DCC: variants seen among roughly 807,000 people sequenced by gnomAD.
DCC encodes netrin receptor DCC.
Under a neutral mutation model 172.5 loss-of-function variants are expected in DCC, and 58 were observed. The observed-to-expected ratio is 0.34, with a 90% CI of 0.27 to 0.42. The LOEUF is 0.42. Ranked by LOEUF, DCC falls within the 10% of genes least tolerant of loss-of-function variation. The pLI is 1.00. For synonymous variants in DCC, 709 were observed against 644.5 expected (o/e 1.10, Z -1.52); for missense variants, 1,740 against 1,791.0 (o/e 0.97, Z 0.51).
At chr18:53,385,264 T>A (rs1016808716) in intron 15 of DCC, among the ~76,000 whole-genome samples, 55 of 152,124 alleles carry the variant, frequency 3.6e-4, no homozygotes, top group African/African-American at 1.3e-3. Flanking sequence ...ACCCCTGAAT[T>A]ATAAGTGGTT....
intron 1 of DCC, among the ~76,000 whole-genome samples, chr18:52,685,397 T>G (rs961164766): frequency 6.6e-6 from 1 of 152,152 alleles, no homozygotes; most frequent in African/African-American, 2.4e-5. Flanking sequence ...ACAGTCATAT[T>G]GAGCCCTGCT....
At chr18:52,404,728 T>C (rs1021268232) in intron 1 of DCC, among the ~76,000 whole-genome samples, 3 of 151,676 alleles carry the variant, frequency 2.0e-5, no homozygotes, top group Non-Finnish European at 4.4e-5. Flanking sequence ...TAGTTACATA[T>C]GTATACATGT....
chr18:52,445,747 C>T (rs1382288835), intron 1 of DCC, among the ~76,000 whole-genome samples: 1 of 152,146 alleles, frequency 6.6e-6, no homozygotes, highest in Non-Finnish European at 1.5e-5. Context: ...CAGAGTAGCC[C>T]TCAAATATTT....
intron 2 of DCC, among the ~76,000 whole-genome samples, chr18:52,778,696 T>C (rs1279259370): frequency 6.6e-6 from 1 of 152,214 alleles, no homozygotes; most frequent in African/African-American, 2.4e-5. Context: ...TTTCTCGTCA[T>C]TAAAGTCTTT....
At chr18:52,525,616 A>G (rs557116205) in intron 1 of DCC, among the ~76,000 whole-genome samples, 2 of 152,304 alleles carry the variant, frequency 1.3e-5, no homozygotes, top group African/African-American at 4.8e-5. Flanking sequence ...ATGTCTGTAG[A>G]CTCTGGTCAA....
At chr18:52,795,710 C>CATG (rs1792649092) in intron 2 of DCC, among the ~76,000 whole-genome samples, 1 of 151,638 alleles carries the variant, frequency 6.6e-6, no homozygotes, top group Non-Finnish European at 1.5e-5. Flanking sequence ...GAAATCTGTC[C>CATG]ACTTTTATGA....
In DCC at chr18:52,340,664, A is replaced by G; in HGVS notation, c.-124A>G. 2 of 773,936 alleles carry G rather than the reference A, an allele frequency of 2.6e-6. No individual in the cohort carries two copies. Among genetic ancestry groups the G allele is most frequent in the Non-Finnish European group, 4.7e-6 (2 of 422,014 alleles). The allele number at this position is 773,936 out of a possible 1,614,324, so 47.9% of individuals were successfully genotyped here. Reference sequence around the variant, plus strand: ...GAGAAAGAGGTGGAGGAAGAGGACGAGGAGGAGGAGGAAGCCGAAGGGGCT... The same window carrying G: ...GAGAAAGAGGTGGAGGAAGAGGACGGGGAGGAGGAGGAAGCCGAAGGGGCT... On this transcript the variant is annotated 5_prime_UTR_variant, in exon 1 of 29. Transcript: ENST00000442544.
intron 15 of DCC, among the ~76,000 whole-genome samples, chr18:53,374,526 C>G (rs1255488187): frequency 6.6e-6 from 1 of 152,140 alleles, no homozygotes; most frequent in Non-Finnish European, 1.5e-5. Context: ...AAGACAAGAT[C>G]CTGAGCAGGC....
intron 1 of DCC, among the ~76,000 whole-genome samples, chr18:52,473,052 AT>A (rs1447501363): frequency 6.6e-6 from 1 of 152,228 alleles, no homozygotes; most frequent in Non-Finnish European, 1.5e-5. Flanking sequence ...GGCAAACAGG[AT>A]TTTTGAAAAA....
intron 5 of DCC, among the ~76,000 whole-genome samples, chr18:53,036,481 T>C (rs981990548): frequency 2.0e-5 from 3 of 152,064 alleles, no homozygotes; most frequent in Non-Finnish European, 4.4e-5. Flanking sequence ...CACCTATGTA[T>C]ATCTGATTTT....
intron 12 of DCC, among the ~76,000 whole-genome samples, chr18:53,284,190 T>G (rs1339167563): frequency 6.6e-6 from 1 of 152,178 alleles, no homozygotes; most frequent in African/African-American, 2.4e-5. Flanking sequence ...AGTTCTGTTA[T>G]GTAAGATCAC....
At chr18:52,876,829 T>C (rs1378392911) in intron 2 of DCC, among the ~76,000 whole-genome samples, 4 of 131,916 alleles carry the variant, frequency 3.0e-5, no homozygotes, top group African/African-American at 1.1e-4. Context: ...TAAAATTGCC[T>C]CTGACGTTTG....
chr18:52,545,011 C>T (rs1338085292), intron 1 of DCC, among the ~76,000 whole-genome samples: 2 of 152,176 alleles, frequency 1.3e-5, no homozygotes, highest in African/African-American at 4.8e-5. Context: ...GAATGCTTAG[C>T]AGTTCAGAGG....
chr18:53,423,487 C>T (rs1389542786), intron 21 of DCC, among the ~76,000 whole-genome samples: 1 of 152,158 alleles, frequency 6.6e-6, no homozygotes, highest in Non-Finnish European at 1.5e-5. Flanking sequence ...AATCACAAAT[C>T]ACCCTGGAAA....
chr18:52,378,322 A>C (rs977987854), intron 1 of DCC, among the ~76,000 whole-genome samples: 3 of 151,442 alleles, frequency 2.0e-5, no homozygotes, highest in Admixed American at 2.0e-4. Flanking sequence ...AAAAAAAAAA[A>C]CTAGAATTTC....
chr18:53,090,735 G>T (rs112629201), intron 7 of DCC, among the ~76,000 whole-genome samples: 27,336 of 80,182 alleles, frequency 0.34, 6,359 homozygotes, highest in Non-Finnish European at 0.39. Flanking sequence ...AAAAAAAAAA[G>T]AATGTATCGT....
chr18:53,083,066 CATT>C, intron 7 of DCC, among the ~76,000 whole-genome samples: 1 of 151,908 alleles, frequency 6.6e-6, no homozygotes, highest in Non-Finnish European at 1.5e-5. Flanking sequence ...TTTTCCAAGT[CATT>C]ATTGGCCAGA....
intron 2 of DCC, among the ~76,000 whole-genome samples, chr18:52,862,771 G>C (rs138152762): frequency 6.6e-6 from 1 of 152,042 alleles, no homozygotes; most frequent in Non-Finnish European, 1.5e-5. Context: ...ACAGAGAGGA[G>C]AATCAGGTTT....
At chr18:53,180,138 G>A (rs904394277) in intron 9 of DCC, among the ~76,000 whole-genome samples, 1 of 152,122 alleles carries the variant, frequency 6.6e-6, no homozygotes, top group African/African-American at 2.4e-5. Context: ...CTTCTTGGGT[G>A]GTTTAAATCA....
Sources: allele counts gnomAD v4.1 joint callset (sites outside exome capture counted in the v4.1 genomes callset), GRCh38; gene constraint gnomAD v4.1.1; transcripts MANE v1.5; gene names NCBI Gene and HGNC (gene_info 2026-07-23, HGNC 2026-07-21).